Variants in FGF12 observed in about 807,000 individuals in gnomAD.
FGF12 encodes fibroblast growth factor 12B.
A neutral mutation model predicts 23.6 loss-of-function variants in FGF12; 14 were observed. The observed-to-expected ratio is 0.59, with a 90% confidence interval of 0.39 to 0.93. FGF12 has a LOEUF of 0.93. FGF12 is among the 40% of genes least tolerant of loss of function. The pLI, the probability that FGF12 is intolerant of heterozygous loss-of-function variation, is 0.00. For missense variants in FGF12, 175 were observed against 217.8 expected (o/e 0.80, Z 1.24); for synonymous variants, 62 against 77.3 (o/e 0.80, Z 1.04).
At chr3:192,178,573 A>G (rs1224235141) in intron 4 of FGF12, among the ~76,000 whole-genome samples, 1 of 151,904 alleles carries the variant, frequency 6.6e-6, no homozygotes, top group Non-Finnish European at 1.5e-5. Context: ...ATCTCGGCTC[A>G]CTGCAACCTC....
intron 2 of FGF12, among the ~76,000 whole-genome samples, chr3:192,422,926 A>C (rs775525118): frequency 5.7e-4 from 86 of 152,178 alleles, no homozygotes; most frequent in Non-Finnish European, 9.7e-4. Context: ...CAAAGAAAAC[A>C]TGTGGCTGGG....
chr3:192,487,668 T>A (rs992318326), intron 2 of FGF12, among the ~76,000 whole-genome samples: 1 of 152,162 alleles, frequency 6.6e-6, no homozygotes, highest in African/African-American at 2.4e-5. Context: ...GTTTATAATA[T>A]GTTTATAATG....
At chr3:192,595,859 C>G (rs1421989314) in intron 2 of FGF12, among the ~76,000 whole-genome samples, 1 of 152,044 alleles carries the variant, frequency 6.6e-6, no homozygotes, top group Non-Finnish European at 1.5e-5. Flanking sequence ...CTTTGGGAGG[C>G]TGAGGTGGGT....
intron 2 of FGF12, among the ~76,000 whole-genome samples, chr3:192,721,298 C>A (rs1052949211): frequency 6.6e-6 from 1 of 152,094 alleles, no homozygotes; most frequent in East Asian, 1.9e-4. Context: ...ATTTCATAAT[C>A]ATGATATTAT....
At chr3:192,687,191 A>G (rs1244790787) in intron 2 of FGF12, among the ~76,000 whole-genome samples, 1 of 151,062 alleles carries the variant, frequency 6.6e-6, no homozygotes, top group Non-Finnish European at 1.5e-5. Context: ...GAATCTCTAG[A>G]TGAGACAAAT....
At chr3:192,694,639 C>CAT (rs1475653247) in intron 2 of FGF12, among the ~76,000 whole-genome samples, 1 of 151,342 alleles carries the variant, frequency 6.6e-6, no homozygotes, top group African/African-American at 2.4e-5. Flanking sequence ...CGTATACGTA[C>CAT]ATATATATAC....
intron 5 of FGF12, among the ~76,000 whole-genome samples, chr3:192,166,103 C>G (rs79940332): frequency 0.044 from 6,744 of 152,220 alleles, 196 homozygotes; most frequent in South Asian, 0.07. Context: ...AGAAAGGTTT[C>G]AATGTCCAGT....
intron 2 of FGF12, among the ~76,000 whole-genome samples, chr3:192,721,682 C>T (rs1045631645): frequency 6.6e-6 from 1 of 152,100 alleles, no homozygotes; most frequent in Non-Finnish European, 1.5e-5. Context: ...TGGCCTCCCC[C>T]AGACCTATTA....
intron 2 of FGF12, among the ~76,000 whole-genome samples, chr3:192,631,305 GACTA>G (rs1231642002): frequency 6.6e-6 from 1 of 152,128 alleles, no homozygotes; most frequent in Non-Finnish European, 1.5e-5. Flanking sequence ...GGATATTTGA[GACTA>G]ACTGTGTCCT....
chr3:192,448,506 G>C (rs985462714), intron 2 of FGF12, among the ~76,000 whole-genome samples: 2 of 152,144 alleles, frequency 1.3e-5, no homozygotes, highest in Non-Finnish European at 2.9e-5. Context: ...CTGTAAGCAG[G>C]ACAGAGACAT....
At chr3:192,460,682 T>TATATA (rs1722837932) in intron 2 of FGF12, among the ~76,000 whole-genome samples, 2 of 142,446 alleles carry the variant, frequency 1.4e-5, no homozygotes, top group East Asian at 4.1e-4. Flanking sequence ...ACACATATAT[T>TATATA]TATATATATA....
intron 2 of FGF12, among the ~76,000 whole-genome samples, chr3:192,610,672 T>C (rs370404359): frequency 9.1e-4 from 139 of 152,192 alleles, no homozygotes; most frequent in Middle Eastern, 3.4e-3. Flanking sequence ...TTTCCATCTC[T>C]GTAAGAATTA....
intron 4 of FGF12, among the ~76,000 whole-genome samples, chr3:192,239,657 T>C (rs1560029487): frequency 6.6e-6 from 1 of 152,264 alleles, no homozygotes; most frequent in South Asian, 2.1e-4. Context: ...ATGAACCCTA[T>C]TGTGAACTGT....
At chr3:192,279,451 A>G (rs1375568473) in intron 4 of FGF12, among the ~76,000 whole-genome samples, 1 of 152,078 alleles carries the variant, frequency 6.6e-6, no homozygotes, top group African/African-American at 2.4e-5. Context: ...TTCTAATAAC[A>G]ACCCTATGAA....
intron 2 of FGF12, among the ~76,000 whole-genome samples, chr3:192,470,538 G>A (rs376281217): frequency 9.9e-4 from 150 of 152,142 alleles, no homozygotes; most frequent in African/African-American, 3.1e-3. Context: ...AAAGTTGACC[G>A]CCACCACACC....
intron 4 of FGF12, among the ~76,000 whole-genome samples, chr3:192,306,695 T>C (rs1373116433): frequency 6.6e-6 from 1 of 152,170 alleles, no homozygotes; most frequent in Non-Finnish European, 1.5e-5. Context: ...GAGTCGACAA[T>C]GGTTTGTCAT....
chr3:192,327,571 C>A (rs1352066716), intron 4 of FGF12, among the ~76,000 whole-genome samples: 1 of 115,822 alleles, frequency 8.6e-6, no homozygotes, highest in African/African-American at 3.1e-5. Context: ...AAAAAATAAA[C>A]CTTTTAAAAA....
At chr3:192,543,711 T>C (rs1283695839) in intron 2 of FGF12, among the ~76,000 whole-genome samples, 1 of 152,156 alleles carries the variant, frequency 6.6e-6, no homozygotes, top group Admixed American at 6.5e-5. Context: ...GCCCAAGGGC[T>C]CTTTTGTCAG....
chr3:192,237,868 C>A (rs1719383895), intron 4 of FGF12, among the ~76,000 whole-genome samples: 1 of 152,144 alleles, frequency 6.6e-6, no homozygotes, highest in Admixed American at 6.5e-5. Context: ...TGCTGGGGAG[C>A]AAGTTGTAGT....
Sources: gnomAD v4.1 joint callset for allele counts (sites outside exome capture counted in the v4.1 genomes callset) on GRCh38, gnomAD v4.1.1 for gene constraint, MANE v1.5 for transcripts, NCBI Gene and HGNC (gene_info 2026-07-23, HGNC 2026-07-21) for gene names.